The following ZNF154 variants were observed in gnomAD, a reference collection of about 807,000 sequenced individuals.
ZNF154 encodes the protein zinc finger protein 154.
In ZNF154, 6 loss-of-function variants were observed where a neutral mutation model predicts 7.5. The ratio of observed to expected loss-of-function variants is 0.80; its 90% CI spans 0.44 to 1.57. The LOEUF (loss-of-function observed/expected upper bound fraction) is 1.57. ZNF154 is among the 40% of genes most tolerant of loss of function. The pLI is 0.01. For missense variants in ZNF154, 485 were observed against 531.4 expected, an observed-to-expected ratio of 0.91 and a Z score of 0.86; for synonymous variants, 187 against 185.9, an observed-to-expected ratio of 1.01 and a Z score of -0.05.
chr19:57,702,247 T>A lies in ZNF154; in HGVS notation c.702A>T (p.Lys234Asn), dbSNP rs1258454439. 2.7e-5 allele frequency: 44 copies of A among 1,613,936 alleles called. No individual in the cohort carries two copies. The highest frequency in any genetic ancestry group is 3.7e-5 in the Non-Finnish European group (44 of 1,180,016). Residue 234 changes from lysine (K) to asparagine (N), a missense_variant, in exon 3 of 3, where the codon AAA becomes AAT. Coordinates refer to ENST00000684351, the MANE Select transcript of ZNF154 (RefSeq NM_001085384.3). The stretch of plus-strand genomic sequence containing the variant: ...TTTCCCCAGTGTGAACTCTCCGATG[T>A]TTAATGAGGTTAGACTTGTTGCTAA... ...KLFSNKSNLI[K>N]HRRVHTGERP...
intron 2 of ZNF154, among the ~76,000 whole-genome samples, chr19:57,703,998 G>A (rs1247620504): frequency 6.6e-6 from 1 of 152,092 alleles, no homozygotes; most frequent in Non-Finnish European, 1.5e-5. Flanking sequence ...GACAGAGTGA[G>A]ACTCCGTCTC....
Position 57,702,601 on chromosome 19 carries a change from T to G in ZNF154, c.348A>C (p.Ser116=), listed in dbSNP as rs11878316. Residue 116 remains serine (S), a synonymous_variant, in exon 3 of 3, where the codon TCA becomes TCC. Coordinates refer to ENST00000684351, the MANE Select transcript of ZNF154 (RefSeq NM_001085384.3). The stretch of plus-strand genomic sequence containing the variant: ...TGGCCCCACCGTCGCTTTTGCTATT[T>G]GATTGCTCCCCAGTGTGAGCAGCCT... ...HQQAAHTGEQ[S]NSKSDGGAIS... is the part of the protein sequence containing the mutation. 115,744 of 1,613,560 alleles carry G rather than the reference T, an allele frequency of 0.072. 7,423 individuals are homozygous for G. Among genetic ancestry groups the G allele is most frequent in the African/African-American group, 0.35 (26,231 of 74,818 alleles).
chr19:57,702,077 T>C lies in ZNF154; in HGVS notation c.872A>G (p.His291Arg). 1 of 1,613,302 alleles carries C rather than the reference T, an allele frequency of 6.2e-7. No homozygotes were observed. Residue 291 changes from histidine to arginine, a missense_variant, in exon 3 of 3, where the codon CAC (histidine) becomes CGC (arginine). Coordinates refer to ENST00000684351, the MANE Select transcript of ZNF154 (RefSeq NM_001085384.3). The part of the protein sequence containing the change: ...FFTYHSSLIK[H>R]QKVHSGSRPY... ...CCTGGATCCACTGTGAACTTTCTGG[T>C]GTTTTATGAGACTGGAATGATATGT...
chr19:57,702,729 C>G lies in ZNF154; in HGVS notation c.220G>C (p.Ala74Pro), dbSNP rs750104903. 1.9e-5 allele frequency: 31 copies of G among 1,608,328 alleles called. No homozygotes were observed. In the East Asian group the frequency reaches 6.0e-4, roughly 31 times the overall value. Reference sequence around the variant, plus strand: ...AATGTGCAGGTCTTCACAAACAAGGCTCTGCCCACATTGCTTCTGAAATGT... The same window carrying G: ...AATGTGCAGGTCTTCACAAACAAGGGTCTGCCCACATTGCTTCTGAAATGT... ...EKHFRSNVGRALFVKTCTFHV... is the reference protein window; with the variant it reads ...EKHFRSNVGRPLFVKTCTFHV... The change falls in exon 3 of 3, where the codon GCC becomes CCC. Residue 74 changes from alanine to proline, a missense_variant. By Grantham distance (27) the Ala-to-Pro change is conservative (BLOSUM62 -1). Coordinates refer to ENST00000684351, the MANE Select transcript of ZNF154 (RefSeq NM_001085384.3).
In ZNF154 at chr19:57,702,248, T is replaced by A. The variant is rs1568461506; in HGVS notation, c.701A>T (p.Lys234Ile). 1 of 1,614,224 alleles carries A rather than the reference T, an allele frequency of 6.2e-7. No homozygotes were observed. The highest frequency in any genetic ancestry group is 1.7e-5 in the Admixed American group (1 of 60,024). The change falls in exon 3 of 3, where the codon AAA (lysine) becomes ATA (isoleucine). Residue 234 changes from lysine to isoleucine, a missense_variant. Physicochemically the swap from Lys to Ile is moderately radical, Grantham distance 102. Transcript: ENST00000684351. ...KLFSNKSNLIKHRRVHTGERP... is the reference protein window; with the variant it reads ...KLFSNKSNLIIHRRVHTGERP... Reference sequence around the variant, plus strand: ...TTCCCCAGTGTGAACTCTCCGATGTTTAATGAGGTTAGACTTGTTGCTAAA... The same window carrying A: ...TTCCCCAGTGTGAACTCTCCGATGTATAATGAGGTTAGACTTGTTGCTAAA...
At position 57,696,794 on chromosome 19, in the gene ZNF154, T is replaced by C. The variant is rs1356888484; in HGVS notation, c.*4841A>G. On this transcript the variant is annotated 3_prime_UTR_variant, in exon 3 of 3. Coordinates refer to ENST00000684351, the MANE Select transcript of ZNF154 (RefSeq NM_001085384.3). ...AGTCCCTCAGCACTTTTCACTCCCCTTCCCAAGGATACTATCATCACCCTC... is the reference window on the plus strand; with the variant it reads ...AGTCCCTCAGCACTTTTCACTCCCCCTCCCAAGGATACTATCATCACCCTC... Among the ~76,000 whole-genome samples the C allele has an allele frequency of 6.6e-6, 1 of 152,128 alleles. No individual in the cohort carries two copies. The highest frequency in any genetic ancestry group is 1.5e-5 in the Non-Finnish European group (1 of 68,016).
rs767824724 is a variant in ZNF154 at position 57,701,603 on chromosome 19, C to T, written c.*32G>A. 34 of 1,597,028 alleles carry T rather than the reference C, an allele frequency of 2.1e-5. No individual in the cohort carries two copies. The South Asian group carries it at 3.6e-4, about 17-fold the overall frequency. ...TCAAGGACTTTCTCCAGGGTGCTAA[C>T]AGATTTTCCACATTTGCCACTCATA... On this transcript the variant is annotated 3_prime_UTR_variant, in exon 3 of 3. Coordinates refer to ENST00000684351, the MANE Select transcript of ZNF154 (RefSeq NM_001085384.3).
chr19:57,702,578 G>A lies in ZNF154; in HGVS notation c.371C>T (p.Ala124Val). 1 of 1,613,914 alleles carries A rather than the reference G, an allele frequency of 6.2e-7. No homozygotes were observed. Among genetic ancestry groups the A allele is most frequent in the Non-Finnish European group, 8.5e-7 (1 of 1,179,928 alleles). ...EQSNSKSDGG[A>V]ISHRGKTHYN... is the part of the protein sequence containing the mutation. ...ATGAGTTTTTCCTCTGTGACTGATG[G>A]CCCCACCGTCGCTTTTGCTATTTGA... Residue 124 changes from alanine (A) to valine (V), a missense_variant, in exon 3 of 3, where the codon GCC becomes GTC. Transcript: ENST00000684351.
intron 1 of ZNF154, 108 bp from the exon 2 acceptor site, chr19:57,705,087 A>C: frequency 1.4e-6 from 2 of 1,442,810 alleles, no homozygotes; most frequent in Non-Finnish European, 1.9e-6. Flanking sequence ...AAGCTCCCCA[A>C]CTGAGAGGAG....
intron 1 of ZNF154, 36 bp downstream of exon 1, chr19:57,708,903 G>A (rs1365535378): frequency 3.2e-6 from 5 of 1,555,162 alleles, no homozygotes; most frequent in Non-Finnish European, 4.4e-6. Context: ...CGTGGGTGGG[G>A]GAAGGTGTGT....
chr19:57,696,462 A>G lies in ZNF154; in HGVS notation c.*5173T>C, dbSNP rs1298374147. Among the ~76,000 whole-genome samples the G allele has an allele frequency of 6.6e-5, 10 of 152,150 alleles. No homozygotes were observed. Among genetic ancestry groups the G allele is most frequent in the Admixed American group, 5.9e-4 (9 of 15,260 alleles). ...CCCAGAGAGTACTGTGAGCACTCCT[A>G]TTCCACAAACATAAAACTGAGGTAC... On this transcript the variant is annotated 3_prime_UTR_variant, in exon 3 of 3. Transcript: ENST00000684351.
chr19:57,708,578 A>T (rs942810225), intron 1 of ZNF154, among the ~76,000 whole-genome samples: 1 of 151,590 alleles, frequency 6.6e-6, no homozygotes, highest in Non-Finnish European at 1.5e-5. Context: ...CGTCTCAAAG[A>T]AAAAAAAACT....
At position 57,709,112 on chromosome 19, in the gene ZNF154, G is replaced by A; in HGVS notation, c.-141C>T. 1 of 1,147,610 alleles carries A rather than the reference G, an allele frequency of 8.7e-7. No homozygotes were observed. The highest frequency in any genetic ancestry group is 1.3e-6 in the Non-Finnish European group (1 of 796,498). The allele number at this position is 1,147,610 out of a possible 1,614,324, so 71.1% of individuals were successfully genotyped here. On this transcript the variant is annotated 5_prime_UTR_variant, in exon 1 of 3. Transcript: ENST00000684351. Reference sequence around the variant, plus strand: ...TTAGACGCTTTCGTGCAGGAGGGACGACGACTCCCCTCACGCCTTCGTGGC... The same window carrying A: ...TTAGACGCTTTCGTGCAGGAGGGACAACGACTCCCCTCACGCCTTCGTGGC...
Position 57,701,520 on chromosome 19 carries a change from G to T in ZNF154, c.*115C>A. The T allele has an allele frequency of 8.9e-7, 1 of 1,123,948 alleles. No homozygotes were observed. The highest frequency in any genetic ancestry group is 1.3e-6 in the Non-Finnish European group (1 of 795,916). 69.6% of individuals were successfully genotyped at this position (1,123,948 alleles called of 1,614,324 possible). A position where few individuals can be genotyped will look rare whatever the true frequency, so the allele number is the denominator to read the frequency against. ...CAAAAGTGTCTTTCCCTTGTGAACT[G>T]TGTGGCACTCAATGAGATATGGCCT... On this transcript the variant is annotated 3_prime_UTR_variant, in exon 3 of 3. Transcript: ENST00000684351.
In ZNF154 at chr19:57,697,084, T is replaced by C. The variant is rs1984925112; in HGVS notation, c.*4551A>G. Among the ~76,000 whole-genome samples, 1 of 152,242 alleles carries C rather than the reference T, an allele frequency of 6.6e-6. No homozygotes were observed. The highest frequency in any genetic ancestry group is 1.5e-5 in the Non-Finnish European group (1 of 68,040). On this transcript the variant is annotated 3_prime_UTR_variant, in exon 3 of 3. Transcript: ENST00000684351. ...TTGTTTATCTTGAAAACGTGTGTAA[T>C]GGGCTACATCTGCTAGGCCATATGA...
chr19:57,708,734 G>A (rs958048567), intron 1 of ZNF154, among the ~76,000 whole-genome samples: 3 of 152,046 alleles, frequency 2.0e-5, no homozygotes, highest in African/African-American at 4.8e-5. Flanking sequence ...GCTCAGTCGC[G>A]CCTCAACCTT....
At chr19:57,706,623 T>G (rs1412022346) in intron 1 of ZNF154, among the ~76,000 whole-genome samples, 1 of 152,212 alleles carries the variant, frequency 6.6e-6, no homozygotes, top group Admixed American at 6.5e-5. Context: ...CCACCTTATA[T>G]CCACTCTTCC....
Position 57,699,387 on chromosome 19 carries a change from A to C in ZNF154, c.*2248T>G. ...AGGCGTGAGCCACCGCACCCGGCTG[A>C]GATTTTCTTACTTGAGTTCCCAATG... On this transcript the variant is annotated 3_prime_UTR_variant, in exon 3 of 3. Transcript: ENST00000684351. 4.3e-6 allele frequency: 1 copy of C among 233,180 alleles called. No individual in the cohort carries two copies. Among genetic ancestry groups the C allele is most frequent in the Non-Finnish European group, 9.1e-6 (1 of 110,062 alleles). 14.4% of individuals were successfully genotyped at this position (233,180 alleles called of 1,614,324 possible). A position where few individuals can be genotyped will look rare whatever the true frequency, so the allele number is the denominator to read the frequency against.
rs754219596 is a variant in ZNF154, at chr19:57,704,834, A to G, written c.160+19T>C. On this transcript the variant is annotated intron_variant, in intron 2 of 2. Transcript: ENST00000684351. The stretch of plus-strand genomic sequence containing the variant: ...GCACAGACTAGCTCAGGGCACAGGA[A>G]AGGGTAAAAGAACCTTACCTAGAGA... The G allele has an allele frequency of 6.2e-7, 1 of 1,607,536 alleles. No individual in the cohort carries two copies. Among genetic ancestry groups the G allele is most frequent in the East Asian group, 2.2e-5 (1 of 44,808 alleles).
Sources: allele counts gnomAD v4.1 joint callset (sites outside exome capture counted in the v4.1 genomes callset), GRCh38; gene constraint gnomAD v4.1.1; transcripts MANE v1.5; gene names NCBI Gene and HGNC (gene_info 2026-07-23, HGNC 2026-07-21).